Variants in STXBP6 observed in about 807,000 individuals in gnomAD.
STXBP6 encodes the protein syntaxin-binding protein 6.
Under a neutral mutation model 26.9 loss-of-function variants are expected in STXBP6, and 21 were observed. The observed-to-expected ratio is 0.78, with a 90% CI of 0.55 to 1.12. STXBP6 has a LOEUF of 1.12. Among genes scored for constraint, STXBP6 ranks in the 50% most tolerant of loss-of-function variants. The pLI, the probability that STXBP6 is intolerant of heterozygous loss-of-function variation, is 0.00. For synonymous variants in STXBP6, 97 were observed against 92.6 expected (o/e 1.05, Z -0.27); for missense variants, 232 against 257.9 (o/e 0.90, Z 0.69).
At chr14:24,907,063 C>T (rs1264667849) in intron 2 of STXBP6, among the ~76,000 whole-genome samples, 1 of 151,796 alleles carries the variant, frequency 6.6e-6, no homozygotes, top group African/African-American at 2.4e-5. Flanking sequence ...GTTATGAGTA[C>T]AAAAATACAG....
rs1363194089 is a variant in STXBP6 at position 24,973,375 on chromosome 14, CTTCCT to C, written c.154+1285_154+1289del. Among the ~76,000 whole-genome samples the C allele has an allele frequency of 6.5e-4, 88 of 135,028 alleles. 1 individual carries two copies. The highest frequency in any genetic ancestry group is 1.7e-3 in the African/African-American group (60 of 34,522). The allele number at this position is 135,028 out of a possible 152,430, so 88.6% of individuals were successfully genotyped here. A position where few individuals can be genotyped will look rare whatever the true frequency, so the allele number is the denominator to read the frequency against. On this transcript the variant is annotated intron_variant, in intron 2 of 5. Coordinates refer to ENST00000323944, the MANE Select transcript of STXBP6 (RefSeq NM_001394410.1). Reference sequence around the variant, plus strand: ...TCACACTTATTTAAATAAAAGCTTTCTTCCTTTTTTTTTTTTTTTTTTTTTTTTGA... The same window carrying C: ...TCACACTTATTTAAATAAAAGCTTTCTTTTTTTTTTTTTTTTTTTTTTTGA...
At chr14:24,875,640 C>T (rs550183714) in intron 2 of STXBP6, among the ~76,000 whole-genome samples, 2 of 152,142 alleles carry the variant, frequency 1.3e-5, no homozygotes, top group South Asian at 2.1e-4. Flanking sequence ...GAATCATAGC[C>T]GAATATGAGA....
In STXBP6 at chr14:24,846,108, A is replaced by G. The variant is rs145276965; in HGVS notation, c.451+9828T>C. Reference sequence around the variant, plus strand: ...TTTTGCTGGGTGCCCCCAAGAGTCTATGGCAGGCTCCTTTTATTATTAACA... The same window carrying G: ...TTTTGCTGGGTGCCCCCAAGAGTCTGTGGCAGGCTCCTTTTATTATTAACA... On this transcript the variant is annotated intron_variant, in intron 4 of 5. Coordinates refer to ENST00000323944, the MANE Select transcript of STXBP6 (RefSeq NM_001394410.1). Among the ~76,000 whole-genome samples the G allele has an allele frequency of 1.6e-3, 249 of 152,334 alleles. 1 individual carries two copies. Among genetic ancestry groups the G allele is most frequent in the Admixed American group, 4.7e-3 (72 of 15,310 alleles).
intron 2 of STXBP6, among the ~76,000 whole-genome samples, chr14:24,970,020 T>C (rs2073854905): frequency 6.6e-6 from 1 of 152,252 alleles, no homozygotes; most frequent in South Asian, 2.1e-4. Flanking sequence ...GGTGGACGGA[T>C]GGCCTGAGGT....
chr14:24,828,014 C>T lies in STXBP6; in HGVS notation c.452-8820G>A, dbSNP rs181919284. On this transcript the variant is annotated intron_variant, in intron 4 of 5. Transcript: ENST00000323944. ...TCCAGCTCTGTCCCTAAGGGTGTTC[C>T]GACATCAGCAGTAGCACTTTTTTTT... Among the ~76,000 whole-genome samples, 15 of 151,208 alleles carry T rather than the reference C, an allele frequency of 9.9e-5. No individual in the cohort carries two copies. The East Asian group carries it at 1.9e-3, about 20-fold the overall frequency.
chr14:24,817,136 C>T (rs951483216), intron 5 of STXBP6: 2 of 152,130 alleles, frequency 1.3e-5, no homozygotes, highest in Non-Finnish European at 2.9e-5. Flanking sequence ...AATGACAGCG[C>T]TATATTCAAA....
At chr14:24,931,581 T>G (rs953054246) in intron 2 of STXBP6, among the ~76,000 whole-genome samples, 1 of 152,174 alleles carries the variant, frequency 6.6e-6, no homozygotes, top group Non-Finnish European at 1.5e-5. Context: ...CTCATATTTA[T>G]GGAGCACCTA....
At chr14:25,039,566 T>C (rs2075608664) in intron 1 of STXBP6, among the ~76,000 whole-genome samples, 1 of 152,220 alleles carries the variant, frequency 6.6e-6, no homozygotes, top group South Asian at 2.1e-4. Context: ...AGAAAGTGCT[T>C]GGAACACTAA....
intron 2 of STXBP6, among the ~76,000 whole-genome samples, chr14:24,896,148 T>C (rs2070983436): frequency 1.3e-5 from 2 of 152,100 alleles, no homozygotes; most frequent in African/African-American, 4.8e-5. Context: ...TCCAGATGAA[T>C]TCTTCGGCTT....
chr14:24,964,759 T>C (rs1230350360), intron 2 of STXBP6, among the ~76,000 whole-genome samples: 1 of 152,042 alleles, frequency 6.6e-6, no homozygotes, highest in African/African-American at 2.4e-5. Flanking sequence ...TCCACAGGCA[T>C]TTGTATCAGC....
intron 1 of STXBP6, among the ~76,000 whole-genome samples, chr14:25,029,285 CCA>C (rs2075406437): frequency 6.6e-6 from 1 of 152,080 alleles, no homozygotes; most frequent in South Asian, 2.1e-4. Flanking sequence ...TAAGAAATTG[CCA>C]CAGCTACCCC....
chr14:25,023,546 T>G (rs971868065), intron 1 of STXBP6, among the ~76,000 whole-genome samples: 1 of 152,102 alleles, frequency 6.6e-6, no homozygotes, highest in Admixed American at 6.6e-5. Context: ...CGGTGGCTCA[T>G]GCCTGCAATC....
rs549073047 is a variant in STXBP6, at chr14:24,855,511, C to T, written c.451+425G>A. ...AGTTGCTTTTGAAAGAAAGGGGAAG[C>T]ATCTGTTGGAATTTTTATATTAATA... On this transcript the variant is annotated intron_variant, in intron 4 of 5. Transcript: ENST00000323944. Among the ~76,000 whole-genome samples the T allele has an allele frequency of 5.3e-5, 8 of 152,106 alleles. No homozygotes were observed. In the South Asian group the frequency reaches 1.0e-3, roughly 20 times the overall value.
intron 4 of STXBP6, among the ~76,000 whole-genome samples, chr14:24,835,611 G>C (rs2068587776): frequency 6.6e-6 from 1 of 152,022 alleles, no homozygotes; most frequent in African/African-American, 2.4e-5. Context: ...TTTTTAAAAT[G>C]GAATATTATT....
chr14:24,976,326 G>T (rs1402741024), intron 1 of STXBP6, among the ~76,000 whole-genome samples: 1 of 152,110 alleles, frequency 6.6e-6, no homozygotes, highest in African/African-American at 2.4e-5. Context: ...TATTAAAAAA[G>T]AACACCTTTC....
At chr14:24,976,895 C>CTTTTTTTTTT (rs1555336260) in intron 1 of STXBP6, among the ~76,000 whole-genome samples, 4 of 87,144 alleles carry the variant, frequency 4.6e-5, no homozygotes, top group African/African-American at 2.2e-4. Flanking sequence ...CAGAGTCTTG[C>CTTTTTTTTTT]TTTATCACCC....
chr14:25,008,230 A>G (rs1033991641), intron 1 of STXBP6, among the ~76,000 whole-genome samples: 3 of 152,174 alleles, frequency 2.0e-5, no homozygotes, highest in Non-Finnish European at 2.9e-5. Context: ...TTGGCCAGGT[A>G]TGGTGGCTCA....
chr14:24,878,823 C>G (rs1437079683), intron 2 of STXBP6: 2 of 448,138 alleles, frequency 4.5e-6, no homozygotes, highest in South Asian at 1.6e-5. Context: ...TCTGTGTAAA[C>G]AGATTTATGT....
intron 2 of STXBP6, among the ~76,000 whole-genome samples, chr14:24,929,833 C>A (rs1219135083): frequency 6.6e-6 from 1 of 152,212 alleles, no homozygotes. Context: ...CTTTTCCCTT[C>A]TTCCCCTCTG....
Sources: allele counts gnomAD v4.1 joint callset (sites outside exome capture counted in the v4.1 genomes callset), GRCh38; gene constraint gnomAD v4.1.1; transcripts MANE v1.5; gene names NCBI Gene and HGNC (gene_info 2026-07-23, HGNC 2026-07-21).